Variants in TRDN observed in about 807,000 individuals in gnomAD.
TRDN encodes triadin in skeletal muscle.
TRDN carries 161 observed loss-of-function variants against 149.7 expected under a neutral mutation model. The ratio of observed to expected loss-of-function variants is 1.08; its 90% CI spans 0.95 to 1.23. The LOEUF is 1.23. Among genes scored for constraint, TRDN ranks in the 50% most tolerant of loss-of-function variants. The pLI is 0.00. For missense variants in TRDN, 896 were observed against 823.5 expected (o/e 1.09, Z -1.08); for synonymous variants, 294 against 250.5 (o/e 1.17, Z -1.64).
chr6:123,252,085 T>G (rs1234284214), intron 38 of TRDN, among the ~76,000 whole-genome samples: 2 of 152,096 alleles, frequency 1.3e-5, no homozygotes, highest in African/African-American at 4.8e-5. Flanking sequence ...TTCTAGTGAT[T>G]GACAGTTAAA....
At chr6:123,221,543 A>C in intron 39 of TRDN, 21 bp from the exon 40 acceptor site, 1 of 1,520,028 alleles carries the variant, frequency 6.6e-7, no homozygotes, top group South Asian at 1.2e-5. Flanking sequence ...AAAAATATAA[A>C]AGTAAATAAC....
chr6:123,489,336 T>A (rs1343391205), intron 9 of TRDN, among the ~76,000 whole-genome samples: 1 of 152,080 alleles, frequency 6.6e-6, no homozygotes, highest in African/African-American at 2.4e-5. Flanking sequence ...AAAACACAAG[T>A]GAAGGATTTA....
Position 123,395,706 on chromosome 6 carries a change from C to T in TRDN, c.1052-2029G>A, listed in dbSNP as rs79851043. On this transcript the variant is annotated intron_variant, in intron 12 of 40. Transcript: ENST00000334268. ...AAAAGTGTATTTTAAAGAGGTCATT[C>T]TACAATGTCTACCTGCAAAAGAAAG... Among the ~76,000 whole-genome samples the T allele has an allele frequency of 9.5e-3, 1,442 of 152,150 alleles. 12 individuals carry two copies. The highest frequency in any genetic ancestry group is 0.015 in the Non-Finnish European group (1,016 of 67,976).
chr6:123,402,019 T>C (rs2114487727), intron 12 of TRDN, among the ~76,000 whole-genome samples: 1 of 151,148 alleles, frequency 6.6e-6, no homozygotes, highest in Admixed American at 6.6e-5. Context: ...GAAAGAAAGC[T>C]GCAGAGTGAA....
intron 38 of TRDN, among the ~76,000 whole-genome samples, chr6:123,239,996 A>G (rs1020160401): frequency 6.6e-6 from 1 of 152,060 alleles, no homozygotes; most frequent in Admixed American, 6.6e-5. Flanking sequence ...AAATCTGAGA[A>G]GCATAACATT....
chr6:123,383,446 A>G (rs557703059), intron 14 of TRDN, among the ~76,000 whole-genome samples: 26 of 152,188 alleles, frequency 1.7e-4, no homozygotes, highest in African/African-American at 6.0e-4. Context: ...AAAAAGCAAT[A>G]TTATCATAAA....
chr6:123,493,166 T>TA (rs898240344), intron 9 of TRDN, among the ~76,000 whole-genome samples: 3 of 152,156 alleles, frequency 2.0e-5, no homozygotes, highest in African/African-American at 7.2e-5. Context: ...CCAGTGTTGA[T>TA]AGCATGCATT....
chr6:123,437,381 A>AT (rs565538741), intron 12 of TRDN: 12,190 of 185,768 alleles, frequency 0.066, 1,145 homozygotes, highest in African/African-American at 0.13. Context: ...TGAGATACAG[A>AT]TTTTTTTTTT....
chr6:123,465,387 A>T (rs1583082805), intron 9 of TRDN, among the ~76,000 whole-genome samples: 1 of 152,170 alleles, frequency 6.6e-6, no homozygotes, highest in East Asian at 1.9e-4. Flanking sequence ...TTAACTAAAA[A>T]TTCTCAAATG....
At chr6:123,581,672 A>G (rs1454588258) in intron 1 of TRDN, among the ~76,000 whole-genome samples, 2 of 152,230 alleles carry the variant, frequency 1.3e-5, no homozygotes, top group African/African-American at 2.4e-5. Flanking sequence ...TAGTGGTAGA[A>G]GTAAAAACAT....
chr6:123,448,773 A>C (rs890360312), intron 10 of TRDN, among the ~76,000 whole-genome samples: 7 of 152,044 alleles, frequency 4.6e-5, no homozygotes, highest in African/African-American at 1.7e-4. Context: ...CAGCACAATA[A>C]TAGAGCATTA....
rs569101770 is a variant in TRDN, at chr6:123,282,118, T to C, written c.1511-3036A>G. On this transcript the variant is annotated intron_variant, in intron 24 of 40. Transcript: ENST00000334268. ...ATATGAAGACACACAGAGAGAATAC[T>C]GTGTGACAACAGAGGCAGAGACTGG... 5.7e-4 allele frequency among the ~76,000 whole-genome samples: 86 copies of C among 152,060 alleles called. 2 individuals are homozygous for C. In the South Asian group the frequency reaches 0.017, roughly 31 times the overall value.
chr6:123,479,293 T>G (rs1188380159), intron 9 of TRDN, among the ~76,000 whole-genome samples: 1 of 152,100 alleles, frequency 6.6e-6, no homozygotes, highest in South Asian at 2.1e-4. Flanking sequence ...AATTTATGAG[T>G]AGAACACTAA....
rs1019645109 is a variant in TRDN, at chr6:123,442,334, G to C, written c.932-3331C>G. The C allele has an allele frequency of 1.8e-5, 2 of 111,328 alleles. 1 individual carries two copies. Among genetic ancestry groups the C allele is most frequent in the African/African-American group, 9.9e-5 (2 of 20,152 alleles). The allele number at this position is 111,328 out of a possible 1,614,324, so 6.9% of individuals were successfully genotyped here. The stretch of plus-strand genomic sequence containing the variant: ...CGAGGCGGGCGGATCACGAGGTCAG[G>C]GGATCGAGACCATCCTGGCTAACAC... On this transcript the variant is annotated intron_variant, in intron 10 of 40. Transcript: ENST00000334268.
At chr6:123,346,820 G>C (rs1350805302) in intron 21 of TRDN, among the ~76,000 whole-genome samples, 1 of 151,980 alleles carries the variant, frequency 6.6e-6, no homozygotes, top group African/African-American at 2.4e-5. Flanking sequence ...CACATAGACA[G>C]ATTAAATACG....
intron 24 of TRDN, among the ~76,000 whole-genome samples, chr6:123,307,122 C>A (rs1778639443): frequency 6.6e-6 from 1 of 151,992 alleles, no homozygotes; most frequent in African/African-American, 2.4e-5. Context: ...AGCAAGAAAA[C>A]CATCCTCCGG....
chr6:123,602,944 C>A (rs571861633), intron 1 of TRDN, among the ~76,000 whole-genome samples: 5 of 151,944 alleles, frequency 3.3e-5, no homozygotes, highest in African/African-American at 1.2e-4. Flanking sequence ...AAAAAAAAAT[C>A]AGTATGTGAT....
intron 1 of TRDN, among the ~76,000 whole-genome samples, chr6:123,599,138 T>C (rs1176468624): frequency 6.6e-6 from 1 of 152,122 alleles, no homozygotes; most frequent in African/African-American, 2.4e-5. Context: ...AACTATTAAT[T>C]GATAACAATG....
At chr6:123,502,189 A>C in intron 8 of TRDN, 1 of 984,104 alleles carries the variant, frequency 1.0e-6, no homozygotes, top group Non-Finnish European at 1.2e-6. Flanking sequence ...TAATCATACC[A>C]GTGAATCCAA....
Sources: gnomAD v4.1 joint callset for allele counts (sites outside exome capture counted in the v4.1 genomes callset) on GRCh38, gnomAD v4.1.1 for gene constraint, MANE v1.5 for transcripts, NCBI Gene and HGNC (gene_info 2026-07-23, HGNC 2026-07-21) for gene names.